The following TBC1D9B variants were observed in gnomAD, a reference collection of about 807,000 sequenced individuals.
The protein encoded by TBC1D9B is TBC1 domain family, member 9B (with GRAM domain).
A neutral mutation model predicts 121.1 loss-of-function variants in TBC1D9B; 87 were observed. That is an observed-to-expected ratio of 0.72 (90% CI 0.60 to 0.86). The LOEUF (loss-of-function observed/expected upper bound fraction) is 0.86, where lower values mean the gene tolerates loss of function less well. Ranked by LOEUF, TBC1D9B falls within the 40% of genes least tolerant of loss-of-function variation. The pLI is 0.00. For missense variants in TBC1D9B, 1,540 were observed against 1,628.6 expected, an observed-to-expected ratio of 0.95 and a Z score of 0.94; for synonymous variants, 668 against 670.1, an observed-to-expected ratio of 1.00 and a Z score of 0.05.
At chr5:179,877,156 G>A (rs114692642) in intron 10 of TBC1D9B, among the ~76,000 whole-genome samples, 2,522 of 149,708 alleles carry the variant, frequency 0.017, 71 homozygotes, top group African/African-American at 0.059. Flanking sequence ...AGGCTGAGGC[G>A]GAAAGATCAC....
chr5:179,893,567 T>G, intron 4 of TBC1D9B, 100 bp from the exon 5 acceptor site: 1 of 1,461,012 alleles, frequency 6.8e-7, no homozygotes, highest in Non-Finnish European at 9.1e-7. Flanking sequence ...AACTGCTCTC[T>G]GGGGGCAGCA....
Position 179,890,313 on chromosome 5 carries a change from G to A in TBC1D9B, c.1044+1066C>T, listed in dbSNP as rs1014767638. On this transcript the variant is annotated intron_variant, in intron 6 of 20. Transcript: ENST00000355235. This position sits in a 1 kb window ranked among gnomAD's most constrained non-coding sequence, Gnocchi z 5.0. ...CCAGTGTGAGCTAGTCCTGCTCCCC[G>A]AGCTCCGCCAGGGCTCTCTACCATC... is the stretch of plus-strand genomic sequence containing the variant. Among the ~76,000 whole-genome samples, 3 of 152,160 alleles carry A rather than the reference G, an allele frequency of 2.0e-5. No homozygotes were observed. Among genetic ancestry groups the A allele is most frequent in the African/African-American group, 7.2e-5 (3 of 41,440 alleles).
At position 179,863,616 on chromosome 5, in the gene TBC1D9B, G is replaced by C. The variant is rs777455692; in HGVS notation, c.3534C>G (p.Asp1178Glu). 6.2e-7 allele frequency: 1 copy of C among 1,613,986 alleles called. No individual in the cohort carries two copies. The highest frequency in any genetic ancestry group is 1.1e-5 in the South Asian group (1 of 91,088). Residue 1178 changes from aspartate to glutamate, a missense_variant, in exon 21 of 21, where the codon GAC becomes GAG. Coordinates refer to ENST00000355235, the MANE Select transcript of TBC1D9B (RefSeq NM_015043.4). This position sits in a 1 kb window ranked among gnomAD's most constrained non-coding sequence, Gnocchi z 4.5. ...GGATCTGCTCAAAGGAGATGCACCA[G>C]TCGGTGTCGACGGTGCCGCCGATGC... ...TARIGGTVDT[D>E]WCISFEQILA...
chr5:179,900,606 T>TGGAGCC (rs1761139579), intron 2 of TBC1D9B, among the ~76,000 whole-genome samples: 1 of 152,228 alleles, frequency 6.6e-6, no homozygotes, highest in Non-Finnish European at 1.5e-5. Context: ...GTTAGGTTCC[T>TGGAGCC]GGAGCCTCTA....
Position 179,902,671 on chromosome 5 carries a change from C to CG in TBC1D9B, c.229+2030dup, listed in dbSNP as rs1404511176. ...CCTCGTACTTTTCTCTCCCCAGGGA[C>CG]GGGCAGCTCTTGCTGCCAGAGATGG... On this transcript the variant is annotated intron_variant, in intron 2 of 20. Transcript: ENST00000355235. This position sits in a 1 kb window ranked among gnomAD's most constrained non-coding sequence, Gnocchi z 4.9. 6.6e-6 allele frequency among the ~76,000 whole-genome samples: 1 copy of CG among 152,174 alleles called. No homozygotes were observed. Among genetic ancestry groups the CG allele is most frequent in the Non-Finnish European group, 1.5e-5 (1 of 68,016 alleles).
intron 12 of TBC1D9B, among the ~76,000 whole-genome samples, chr5:179,873,766 T>A (rs1760272402): frequency 6.6e-6 from 1 of 152,016 alleles, no homozygotes; most frequent in Non-Finnish European, 1.5e-5. Context: ...CCCGCCAGAG[T>A]TCATGGCCTC....
At chr5:179,873,895 A>G (rs2434411) in intron 12 of TBC1D9B, among the ~76,000 whole-genome samples, 88,423 of 152,048 alleles carry the variant, frequency 0.58, 28,470 homozygotes, top group African/African-American at 0.85. Flanking sequence ...CTATCCGCCT[A>G]TTGTAGGAAG....
intron 7 of TBC1D9B, 66 bp from the exon 8 acceptor site, chr5:179,879,855 C>T: frequency 6.6e-7 from 1 of 1,505,782 alleles, no homozygotes; most frequent in East Asian, 2.4e-5. Flanking sequence ...CTGATGCGCC[C>T]ATCCATCCAG....
At chr5:179,871,676 G>A (rs1010038791) in intron 14 of TBC1D9B, 146 bp from the exon 15 acceptor site, 9 of 766,544 alleles carry the variant, frequency 1.2e-5, no homozygotes, top group Non-Finnish European at 1.7e-5. Flanking sequence ...CGGACCCTTC[G>A]GGAGAGAGCG....
Position 179,907,895 on chromosome 5 carries a change from C to G in TBC1D9B, c.-74G>C, listed in dbSNP as rs1321184344. On this transcript the variant is annotated 5_prime_UTR_variant, in exon 1 of 21. Coordinates refer to ENST00000355235, the MANE Select transcript of TBC1D9B (RefSeq NM_015043.4). The surrounding 1 kb of genome is among the most constrained non-coding windows in gnomAD (Gnocchi z 5.3). ...CCGCCGTCGGCGTCCCGGAGCGGAG[C>G]GTGCGGAGCGGAGCGTGCGGAGCGG... The G allele has an allele frequency of 1.2e-6, 1 of 857,972 alleles. No homozygotes were observed. The highest frequency in any genetic ancestry group is 1.4e-6 in the Non-Finnish European group (1 of 721,058). 53.1% of individuals were successfully genotyped at this position (857,972 alleles called of 1,614,324 possible). A position where few individuals can be genotyped will look rare whatever the true frequency, so the allele number is the denominator to read the frequency against.
At chr5:179,898,132 A>G (rs951429523) in intron 3 of TBC1D9B, among the ~76,000 whole-genome samples, 10 of 148,600 alleles carry the variant, frequency 6.7e-5, no homozygotes, top group South Asian at 2.1e-4. Context: ...CCTGGCCAAC[A>G]TGGCAAAACC....
intron 7 of TBC1D9B, among the ~76,000 whole-genome samples, chr5:179,880,524 C>T (rs1280995983): frequency 2.0e-5 from 3 of 152,202 alleles, no homozygotes; most frequent in African/African-American, 7.2e-5. Context: ...CACGGTCCCA[C>T]TCCACCCAGG....
At position 179,899,313 on chromosome 5, in the gene TBC1D9B, A is replaced by C. The variant is rs778248008; in HGVS notation, c.230-6T>G. ...GATCTCTTTGCGGGAAGAACCTAGA[A>C]GAGGTTTGGTAAAGTAAAAGAAAAA... On this transcript the variant is annotated splice_polypyrimidine_tract_variant and splice_region_variant and intron_variant, in intron 2 of 20. Coordinates refer to ENST00000355235, the MANE Select transcript of TBC1D9B (RefSeq NM_015043.4). 3 of 1,612,662 alleles carry C rather than the reference A, an allele frequency of 1.9e-6. No homozygotes were observed.
In TBC1D9B at chr5:179,863,814, C is replaced by A; in HGVS notation, c.3336G>T (p.Glu1112Asp). The A allele has an allele frequency of 6.2e-7, 1 of 1,613,734 alleles. No individual in the cohort carries two copies. Among genetic ancestry groups the A allele is most frequent in the Admixed American group, 1.7e-5 (1 of 60,020 alleles). The change falls in exon 21 of 21, where the codon GAG becomes GAT. Residue 1112 changes from glutamate to aspartate, a missense_variant. Coordinates refer to ENST00000355235, the MANE Select transcript of TBC1D9B (RefSeq NM_015043.4). The surrounding 1 kb of genome is among the most constrained non-coding windows in gnomAD (Gnocchi z 4.5). Reference protein sequence around the residue: ...KAPQESQVVVEGGSGEGQGSP... With the variant: ...KAPQESQVVVDGGSGEGQGSP... ...AGCCCTGTCCCTCGCCGCTGCCCCC[C>A]TCCACCACCACCTGGCTCTCCTGTG...
chr5:179,903,410 G>A (rs549504622), intron 2 of TBC1D9B, among the ~76,000 whole-genome samples: 2 of 152,304 alleles, frequency 1.3e-5, no homozygotes, highest in East Asian at 3.9e-4. Flanking sequence ...CCGCACTCTT[G>A]GACGGGTGAG....
intron 7 of TBC1D9B, among the ~76,000 whole-genome samples, chr5:179,883,636 C>T (rs182243088): frequency 1.3e-5 from 2 of 152,016 alleles, no homozygotes; most frequent in East Asian, 3.9e-4. Context: ...TTAATTTATA[C>T]CATTCTTTAG....
At chr5:179,882,138 T>C (rs1231132185) in intron 7 of TBC1D9B, among the ~76,000 whole-genome samples, 4 of 151,714 alleles carry the variant, frequency 2.6e-5, no homozygotes, top group Non-Finnish European at 5.9e-5. Context: ...AGAGACGAGG[T>C]TTCACCATAT....
Position 179,907,682 on chromosome 5 carries a change from C to T in TBC1D9B, c.118+22G>A. On this transcript the variant is annotated intron_variant, in intron 1 of 20. Transcript: ENST00000355235. The surrounding 1 kb of genome is among the most constrained non-coding windows in gnomAD (Gnocchi z 5.3). The stretch of plus-strand genomic sequence containing the variant: ...AGCCCAGCCGCGGCGCCCACAGGCC[C>T]GGCCGCCCGCGCGCCTCTCACCCGT... 9.4e-7 allele frequency: 1 copy of T among 1,063,522 alleles called. No individual in the cohort carries two copies. The highest frequency in any genetic ancestry group is 1.2e-6 in the Non-Finnish European group (1 of 869,258). 65.9% of individuals were successfully genotyped at this position (1,063,522 alleles called of 1,614,324 possible).
chr5:179,879,788 G>A lies in TBC1D9B; in HGVS notation c.1256C>T (p.Ser419Phe). The A allele has an allele frequency of 6.2e-7, 1 of 1,608,642 alleles. No individual in the cohort carries two copies. The highest frequency in any genetic ancestry group is 8.5e-7 in the Non-Finnish European group (1 of 1,177,536). Residue 419 changes from serine to phenylalanine, a missense_variant and splice_region_variant, in exon 8 of 21, where the codon TCT becomes TTT. Ser to Phe is a radical substitution (Grantham distance 155, BLOSUM62 -2). Transcript: ENST00000355235. The stretch of plus-strand genomic sequence containing the variant: ...CGACCCCTCCTGAGGAGCTGGGGAA[G>A]ACTAGAAAATAAAACAGGGAAGGGG... ...KASVVDPSTE[S>F]SPAPQEGSEQ...
Sources: allele counts gnomAD v4.1 joint callset (sites outside exome capture counted in the v4.1 genomes callset), GRCh38; gene constraint gnomAD v4.1.1; non-coding constraint Gnocchi (gnomAD v3.1); transcripts MANE v1.5; gene names NCBI Gene and HGNC (gene_info 2026-07-23, HGNC 2026-07-21).